Variants in NPL observed in about 807,000 individuals in gnomAD.
NPL encodes N-acetylneuraminate lyase.
In NPL, 32 loss-of-function variants were observed where a neutral mutation model predicts 41.1. The ratio of observed to expected loss-of-function variants is 0.78; its 90% CI spans 0.59 to 1.05. NPL has a LOEUF of 1.05. NPL is among the 50% of genes least tolerant of loss of function. The pLI is 0.00. For missense variants in NPL, 321 were observed against 378.4 expected, an observed-to-expected ratio of 0.85 and a Z score of 1.26; for synonymous variants, 128 against 134.9, an observed-to-expected ratio of 0.95 and a Z score of 0.35.
At chr1:182,804,488 G>A (rs992878336) in intron 4 of NPL, among the ~76,000 whole-genome samples, 7 of 152,154 alleles carry the variant, frequency 4.6e-5, no homozygotes, top group Non-Finnish European at 7.3e-5. Flanking sequence ...AATTGTGAAT[G>A]GAAGAAAGAC....
At chr1:182,815,963 A>G (rs897424847) in intron 7 of NPL, among the ~76,000 whole-genome samples, 3 of 152,266 alleles carry the variant, frequency 2.0e-5, no homozygotes, top group Non-Finnish European at 2.9e-5. Flanking sequence ...GTTTCCTAAA[A>G]GGAAAAATAA....
At chr1:182,797,147 A>G (rs1422317304) in intron 3 of NPL, among the ~76,000 whole-genome samples, 1 of 152,036 alleles carries the variant, frequency 6.6e-6, no homozygotes, top group Non-Finnish European at 1.5e-5. Context: ...CATTGGGGAT[A>G]TTGTGGGGAT....
intron 5 of NPL, 35 bp downstream of exon 5, chr1:182,806,267 G>A (rs747370208): frequency 6.2e-7 from 1 of 1,613,670 alleles, no homozygotes. Flanking sequence ...ATGCCCTTTG[G>A]CAACAGCTGT....
At chr1:182,790,704 C>T (rs1666485471) in intron 1 of NPL, among the ~76,000 whole-genome samples, 1 of 152,100 alleles carries the variant, frequency 6.6e-6, no homozygotes, top group African/African-American at 2.4e-5. Flanking sequence ...ACTGCAGTGG[C>T]GCTATCTCGG....
At chr1:182,790,751 C>T (rs989655504) in intron 1 of NPL, among the ~76,000 whole-genome samples, 10 of 152,172 alleles carry the variant, frequency 6.6e-5, no homozygotes, top group South Asian at 2.1e-4. Context: ...TCACGCCATT[C>T]TCCTGCCTCA....
chr1:182,806,187 A>T lies in NPL; in HGVS notation c.185A>T (p.Glu62Val). ...TGEGLSLSVS[E>V]RRQVAEEWVT... ...GAAGGCCTGTCCCTGAGCGTCTCAGAGCGTCGCCAGGTTGCAGAGGAGTGG... is the reference window on the plus strand; with the variant it reads ...GAAGGCCTGTCCCTGAGCGTCTCAGTGCGTCGCCAGGTTGCAGAGGAGTGG... The change falls in exon 5 of 13, where the codon GAG becomes GTG. Residue 62 changes from glutamate to valine, a missense_variant. Transcript: ENST00000367553. 1 of 1,614,198 alleles carries T rather than the reference A, an allele frequency of 6.2e-7. No homozygotes were observed. The highest frequency in any genetic ancestry group is 1.3e-5 in the African/African-American group (1 of 75,048).
At chr1:182,791,305 G>A (rs116462573) in intron 1 of NPL, 3 of 152,242 alleles carry the variant, frequency 2.0e-5, no homozygotes, top group African/African-American at 4.8e-5. Flanking sequence ...CGAAGAGATT[G>A]AAGTGAGAGA....
At chr1:182,798,166 AG>A (rs1411029538) in intron 3 of NPL, among the ~76,000 whole-genome samples, 1 of 152,070 alleles carries the variant, frequency 6.6e-6, no homozygotes, top group South Asian at 2.1e-4. Flanking sequence ...ACAGCTAGAA[AG>A]GTAGGATTTC....
chr1:182,823,701 AT>A (rs1411352912), intron 11 of NPL, among the ~76,000 whole-genome samples: 2 of 152,234 alleles, frequency 1.3e-5, no homozygotes, highest in African/African-American at 4.8e-5. Context: ...CATGGAAATC[AT>A]AGATGGAGTA....
intron 3 of NPL, among the ~76,000 whole-genome samples, chr1:182,800,204 G>A (rs529816131): frequency 2.0e-5 from 3 of 152,060 alleles, no homozygotes; most frequent in Non-Finnish European, 4.4e-5. Context: ...GGGAGGCCGA[G>A]GCAGGCAGAT....
intron 5 of NPL, among the ~76,000 whole-genome samples, chr1:182,807,757 G>A (rs558876328): frequency 1.3e-5 from 2 of 151,166 alleles, no homozygotes; most frequent in African/African-American, 4.9e-5. Flanking sequence ...CAGGCATGGT[G>A]GCGGGCTCCT....
At chr1:182,825,930 C>T (rs1275826787) in intron 12 of NPL, 110 bp downstream of exon 12, 2 of 860,006 alleles carry the variant, frequency 2.3e-6, no homozygotes, top group Admixed American at 1.7e-5. Context: ...TGGTCTGTTG[C>T]AAGCAGAGTT....
At position 182,821,275 on chromosome 1, in the gene NPL, T is replaced by G. The variant is rs1308890247; in HGVS notation, c.654-840T>G. Among the ~76,000 whole-genome samples, 4 of 152,372 alleles carry G rather than the reference T, an allele frequency of 2.6e-5. No individual in the cohort carries two copies. The East Asian group carries it at 7.7e-4, about 29-fold the overall frequency. On this transcript the variant is annotated intron_variant, in intron 10 of 12. Coordinates refer to ENST00000367553, the MANE Select transcript of NPL (RefSeq NM_030769.3). ...GAGAAGCCATTTGAATTTAAAGAAC[T>G]TGGGGAAATATCCTTATTATGAGTT...
chr1:182,794,405 G>C lies in NPL; in HGVS notation c.34G>C (p.Val12Leu), dbSNP rs760135095. The change falls in exon 3 of 13, where the codon GTG becomes CTG. Residue 12 changes from valine (V) to leucine (L), a missense_variant. Transcript: ENST00000367553. ...AFPKKKLQGL[V>L]AATITPMTEN... is the part of the protein sequence containing the mutation. ...CCCAAAGAAGAAACTTCAGGGTCTT[G>C]TGGCTGCAACCATCACGCCAATGAC... 5.0e-6 allele frequency: 8 copies of C among 1,614,204 alleles called. No individual in the cohort carries two copies. Among genetic ancestry groups the C allele is most frequent in the South Asian group, 1.1e-5 (1 of 91,086 alleles).
intron 10 of NPL, among the ~76,000 whole-genome samples, chr1:182,819,479 C>T (rs2102561655): frequency 6.6e-6 from 1 of 151,182 alleles, no homozygotes; most frequent in African/African-American, 2.4e-5. Flanking sequence ...GGCGTGGTGG[C>T]AGGCACCTGT....
chr1:182,803,106 T>C (rs1557943131), intron 3 of NPL, among the ~76,000 whole-genome samples: 2 of 152,228 alleles, frequency 1.3e-5, no homozygotes, highest in Non-Finnish European at 1.5e-5. Context: ...TGACTTTTCC[T>C]ATCCTGTGAG....
At chr1:182,825,062 A>C (rs1271120884) in intron 11 of NPL, among the ~76,000 whole-genome samples, 1 of 152,218 alleles carries the variant, frequency 6.6e-6, no homozygotes, top group African/African-American at 2.4e-5. Flanking sequence ...AGAATGCTTT[A>C]ATGATTTTCA....
rs1330384787 is a variant in NPL, at chr1:182,801,708, C to T, written c.69-1990C>T. Among the ~76,000 whole-genome samples, 4 of 152,078 alleles carry T rather than the reference C, an allele frequency of 2.6e-5. 1 individual carries two copies. The highest frequency in any genetic ancestry group is 7.2e-5 in the African/African-American group (3 of 41,420). On this transcript the variant is annotated intron_variant, in intron 3 of 12. Transcript: ENST00000367553. ...CTACCCAAAATTTTCAAGTTAGCTG[C>T]ACCTGTGGTCCTAGCTACTTGGGAG... is the stretch of plus-strand genomic sequence containing the variant.
At chr1:182,803,826 A>AT (rs1450937865) in intron 4 of NPL, 55 bp downstream of exon 4, 2 of 1,226,596 alleles carry the variant, frequency 1.6e-6, no homozygotes, top group Non-Finnish European at 2.4e-6. Flanking sequence ...TTTAGAAGGT[A>AT]TATCTTACCT....
Sources: allele counts gnomAD v4.1 joint callset (sites outside exome capture counted in the v4.1 genomes callset), GRCh38; gene constraint gnomAD v4.1.1; transcripts MANE v1.5; gene names NCBI Gene and HGNC (gene_info 2026-07-23, HGNC 2026-07-21).